The following GMPR variants were observed in gnomAD, a reference collection of about 807,000 sequenced individuals.
GMPR encodes the protein GMP reductase 1.
GMPR carries 31 observed loss-of-function variants against 38.4 expected under a neutral mutation model. The ratio of observed to expected loss-of-function variants is 0.81; its 90% CI spans 0.61 to 1.09. GMPR has a LOEUF of 1.09. Ranked by LOEUF, GMPR falls within the 50% of genes least tolerant of loss-of-function variation. The pLI, the probability that GMPR is intolerant of heterozygous loss-of-function variation, is 0.00. For synonymous variants in GMPR, 162 were observed against 173.3 expected, an observed-to-expected ratio of 0.93 and a Z score of 0.51; for missense variants, 468 against 453.7, an observed-to-expected ratio of 1.03 and a Z score of -0.29.
At chr6:16,282,259 A>G (rs1000792341) in intron 6 of GMPR, among the ~76,000 whole-genome samples, 2 of 151,090 alleles carry the variant, frequency 1.3e-5, no homozygotes, top group African/African-American at 2.4e-5. Flanking sequence ...GAGGGAGGAA[A>G]AATTCAGGAT....
rs1271138767 is a variant in GMPR at position 16,294,969 on chromosome 6, G to C, written c.858-37G>C. 5.8e-6 allele frequency: 9 copies of C among 1,548,970 alleles called. No homozygotes were observed. The Admixed American group carries it at 1.6e-4, about 27-fold the overall frequency. On this transcript the variant is annotated intron_variant, in intron 8 of 8. Coordinates refer to ENST00000259727, the MANE Select transcript of GMPR (RefSeq NM_006877.4). Reference sequence around the variant, plus strand: ...TAATTGGGCTCTTAAGGTGGGGCGGGAAACTAGATAAAAAGAAAACTTCTA... The same window carrying C: ...TAATTGGGCTCTTAAGGTGGGGCGGCAAACTAGATAAAAAGAAAACTTCTA...
At chr6:16,256,109 A>G (rs888719952) in intron 4 of GMPR, among the ~76,000 whole-genome samples, 3 of 151,776 alleles carry the variant, frequency 2.0e-5, no homozygotes, top group Admixed American at 6.6e-5. Flanking sequence ...CCAGCTACTT[A>G]GGAGGCTGAG....
At chr6:16,266,461 G>GT (rs1159421717) in intron 4 of GMPR, among the ~76,000 whole-genome samples, 1 of 113,454 alleles carries the variant, frequency 8.8e-6, no homozygotes, top group Admixed American at 1.1e-4. Flanking sequence ...TTTAAGAGCT[G>GT]TAACACTTCC....
intron 2 of GMPR, among the ~76,000 whole-genome samples, chr6:16,248,576 T>G (rs112053193): frequency 0.014 from 2,184 of 152,162 alleles, 40 homozygotes; most frequent in African/African-American, 0.043. Context: ...CGACGGAAAA[T>G]ATTCTCAAAT....
intron 1 of GMPR, among the ~76,000 whole-genome samples, chr6:16,239,065 T>C (rs1367374626): frequency 6.6e-6 from 1 of 151,806 alleles, no homozygotes; most frequent in African/African-American, 2.4e-5. Flanking sequence ...CAGTGGCCAG[T>C]TGGTTTAGAA....
chr6:16,289,173 C>T (rs1759769572), intron 7 of GMPR, among the ~76,000 whole-genome samples: 1 of 152,212 alleles, frequency 6.6e-6, no homozygotes, highest in Admixed American at 6.5e-5. Flanking sequence ...TCTATAGCTT[C>T]ATTTTTGAGC....
At chr6:16,294,721 GT>G (rs1317077844) in intron 8 of GMPR, among the ~76,000 whole-genome samples, 1 of 152,178 alleles carries the variant, frequency 6.6e-6, no homozygotes, top group Non-Finnish European at 1.5e-5. Context: ...GGTGTTATGG[GT>G]CCCTGACTCC....
intron 6 of GMPR, among the ~76,000 whole-genome samples, chr6:16,281,597 C>G (rs1339277709): frequency 6.6e-6 from 1 of 152,078 alleles, no homozygotes; most frequent in Non-Finnish European, 1.5e-5. Flanking sequence ...GAATGCCTCC[C>G]GGGTTCAAGC....
In GMPR at chr6:16,254,634, C is replaced by T. The variant is rs1230545994; in HGVS notation, c.364C>T (p.Gln122Ter). 2 of 1,613,610 alleles carry T rather than the reference C, an allele frequency of 1.2e-6. No individual in the cohort carries two copies. The highest frequency in any genetic ancestry group is 1.7e-5 in the Admixed American group (1 of 60,020). The change falls in exon 4 of 9, where the codon CAG becomes TAG. Residue 122 changes from glutamine (Q) to a stop codon, truncating the protein, a stop_gained. Transcript: ENST00000259727. LOFTEE classifies it high-confidence loss of function. ...KMTSILEAVPQVKFICLDVAN... is the reference protein window; with the variant it reads ...KMTSILEAVP Reference sequence around the variant, plus strand: ...GACCAGCATCCTGGAAGCTGTGCCACAGGTTAAGTTTATTTGCCTGGATGT... The same window carrying T: ...GACCAGCATCCTGGAAGCTGTGCCATAGGTTAAGTTTATTTGCCTGGATGT...
At chr6:16,247,871 T>C (rs1758790233) in intron 2 of GMPR, among the ~76,000 whole-genome samples, 1 of 152,120 alleles carries the variant, frequency 6.6e-6, no homozygotes, top group Admixed American at 6.5e-5. Flanking sequence ...GATGATCACA[T>C]TGAAAGCTCA....
intron 4 of GMPR, chr6:16,263,399 T>C (rs891468554): frequency 5.3e-5 from 8 of 151,730 alleles, no homozygotes; most frequent in African/African-American, 1.9e-4. Flanking sequence ...CAGGTGAGAA[T>C]TGAAGAGGTT....
chr6:16,250,238 G>C (rs920631819), intron 2 of GMPR, 46 bp from the exon 3 acceptor site: 1 of 970,132 alleles, frequency 1.0e-6, no homozygotes, highest in Admixed American at 1.7e-5. Flanking sequence ...AGGGAGGGGG[G>C]CTCTCACTTG....
At chr6:16,269,570 C>T (rs1759341072) in intron 4 of GMPR, among the ~76,000 whole-genome samples, 1 of 152,116 alleles carries the variant, frequency 6.6e-6, no homozygotes, top group Non-Finnish European at 1.5e-5. Flanking sequence ...CCAAGACAGG[C>T]AGATTGCGTG....
intron 4 of GMPR, among the ~76,000 whole-genome samples, chr6:16,263,835 C>T (rs1055552435): frequency 1.3e-5 from 2 of 151,188 alleles, no homozygotes; most frequent in African/African-American, 2.4e-5. Flanking sequence ...GATAAGAGGT[C>T]GGGGCACAGA....
At chr6:16,275,494 T>A (rs1759456506) in intron 5 of GMPR, among the ~76,000 whole-genome samples, 1 of 152,188 alleles carries the variant, frequency 6.6e-6, no homozygotes, top group African/African-American at 2.4e-5. Flanking sequence ...GCTTTTAACA[T>A]ACAGGGAGAT....
rs1224429319 is a variant in GMPR at position 16,254,573 on chromosome 6, G to A, written c.303G>A (p.Val101=). The A allele has an allele frequency of 1.9e-6, 3 of 1,613,898 alleles. No individual in the cohort carries two copies. Among genetic ancestry groups the A allele is most frequent in the Non-Finnish European group, 2.5e-6 (3 of 1,179,766 alleles). ...NHPECLQNVA[V]SSGSGQNDLE... The stretch of plus-strand genomic sequence containing the variant: ...TTATTTTGGTGCAGAATGTAGCCGT[G>A]AGTTCAGGCAGTGGGCAGAATGATC... The change falls in exon 4 of 9, where the codon GTG becomes GTA. Residue 101 remains valine (V), a synonymous_variant. Coordinates refer to ENST00000259727, the MANE Select transcript of GMPR (RefSeq NM_006877.4).
chr6:16,268,433 C>T (rs769994473), intron 4 of GMPR, among the ~76,000 whole-genome samples: 2 of 152,136 alleles, frequency 1.3e-5, no homozygotes, highest in African/African-American at 4.8e-5. Flanking sequence ...TCCTGAGTAG[C>T]ACACCTGGTT....
intron 7 of GMPR, among the ~76,000 whole-genome samples, chr6:16,287,320 G>T (rs1759705410): frequency 6.6e-6 from 1 of 152,342 alleles, no homozygotes; most frequent in Middle Eastern, 3.4e-3. Flanking sequence ...GGACTCTTTT[G>T]TGTTGCCTCA....
At chr6:16,269,337 G>T (rs954068041) in intron 4 of GMPR, among the ~76,000 whole-genome samples, 4 of 152,198 alleles carry the variant, frequency 2.6e-5, no homozygotes, top group Admixed American at 6.5e-5. Flanking sequence ...TTCGACCCCA[G>T]ATCTTTCCGA....
Sources: gnomAD v4.1 joint callset for allele counts (sites outside exome capture counted in the v4.1 genomes callset) on GRCh38, gnomAD v4.1.1 for gene constraint, MANE v1.5 for transcripts, NCBI Gene and HGNC (gene_info 2026-07-23, HGNC 2026-07-21) for gene names.